The following TMEM177 variants were observed in gnomAD, a reference collection of about 807,000 sequenced individuals.
TMEM177 encodes transmembrane protein 177.
Under a neutral mutation model 14.2 loss-of-function variants are expected in TMEM177, and 4 were observed. The observed-to-expected ratio is 0.28, with a 90% CI of 0.14 to 0.64. The LOEUF (loss-of-function observed/expected upper bound fraction) is 0.64, where lower values mean the gene tolerates loss of function less well. TMEM177 is among the 30% of genes least tolerant of loss of function. The pLI, the probability that TMEM177 is intolerant of heterozygous loss-of-function variation, is 0.82. For synonymous variants in TMEM177, 179 were observed against 174.5 expected (o/e 1.03, Z -0.20); for missense variants, 344 against 405.2 (o/e 0.85, Z 1.30).
At chr2:119,718,340 C>T in the TMEM177 span, among the ~76,000 whole-genome samples, 2 of 152,330 alleles carry the variant, frequency 1.3e-5, no homozygotes, top group African/African-American at 2.4e-5. Flanking sequence ...CCTCCGTGAA[C>T]ATCCCATCCT....
chr2:119,713,553 C>T, the TMEM177 span, among the ~76,000 whole-genome samples: 1 of 152,048 alleles, frequency 6.6e-6, no homozygotes, highest in Non-Finnish European at 1.5e-5. Context: ...AACTGTGCAC[C>T]ATCTGGCCTG....
the TMEM177 span, among the ~76,000 whole-genome samples, chr2:119,719,030 GT>G: frequency 6.6e-6 from 1 of 152,308 alleles, no homozygotes; most frequent in East Asian, 1.9e-4. Context: ...CCTGGGTGAT[GT>G]TAATGCTGCT....
chr2:119,709,929 T>C, the TMEM177 span, among the ~76,000 whole-genome samples: 28,727 of 152,100 alleles, frequency 0.19, 3,235 homozygotes, highest in South Asian at 0.32. Flanking sequence ...GATGTCAAAA[T>C]GTACGCACTT....
chr2:119,714,906 G>T, the TMEM177 span, among the ~76,000 whole-genome samples: 5 of 152,226 alleles, frequency 3.3e-5, no homozygotes, highest in Non-Finnish European at 5.9e-5. Flanking sequence ...AAGAGGGTTT[G>T]AACCCAGACA....
the TMEM177 span, among the ~76,000 whole-genome samples, chr2:119,711,725 G>A: frequency 0.037 from 5,616 of 152,198 alleles, 348 homozygotes; most frequent in African/African-American, 0.13. Flanking sequence ...AAGGAAGCTC[G>A]ACAAGGCGCT....
the TMEM177 span, among the ~76,000 whole-genome samples, chr2:119,697,648 A>G: frequency 6.6e-6 from 1 of 152,072 alleles, no homozygotes; most frequent in African/African-American, 2.4e-5. Context: ...CTTCCCAGAA[A>G]ACTACTCGAT....
downstream of TMEM177, among the ~76,000 whole-genome samples, chr2:119,690,341 G>A (rs1323687208): frequency 6.6e-6 from 1 of 152,108 alleles, no homozygotes; most frequent in African/African-American, 2.4e-5. Flanking sequence ...GGCCTCCCCA[G>A]AAGCCGTCAT....
the TMEM177 span, among the ~76,000 whole-genome samples, chr2:119,708,644 G>GACACACAC: frequency 0.036 from 5,221 of 146,774 alleles, 294 homozygotes; most frequent in African/African-American, 0.12. Context: ...ATCACACGCA[G>GACACACAC]ACACACACAC....
chr2:119,691,628 C>G, the TMEM177 span, among the ~76,000 whole-genome samples: 1 of 152,192 alleles, frequency 6.6e-6, no homozygotes, highest in African/African-American at 2.4e-5. Context: ...CAGTACTGGA[C>G]CATGTCGCTG....
the TMEM177 span, among the ~76,000 whole-genome samples, chr2:119,716,832 A>G: frequency 6.6e-6 from 1 of 152,230 alleles, no homozygotes; most frequent in Non-Finnish European, 1.5e-5. Context: ...TATGATTCCT[A>G]TCACTTTCTC....
chr2:119,687,175 G>A (rs1029264819), downstream of TMEM177, among the ~76,000 whole-genome samples: 8 of 152,094 alleles, frequency 5.3e-5, no homozygotes, highest in African/African-American at 1.2e-4. Context: ...CTTGAAGCAC[G>A]TTGCCATGTT....
intron 1 of TMEM177, among the ~76,000 whole-genome samples, chr2:119,679,982 G>C (rs1219078716): frequency 3.9e-5 from 6 of 152,100 alleles, no homozygotes; most frequent in Non-Finnish European, 7.4e-5. Flanking sequence ...TCAAGACCAG[G>C]GTGTTAACAG....
Position 119,679,242 on chromosome 2 carries a change from G to C in TMEM177, c.-57G>C, listed in dbSNP as rs1688832223. On this transcript the variant is annotated 5_prime_UTR_variant, in exon 1 of 2. Transcript: ENST00000272521. Reference sequence around the variant, plus strand: ...GCGGCGGAGGTGAGCGCACGGACGAGCGGGAGGGACCCTTCTCCGGCCTGA... The same window carrying C: ...GCGGCGGAGGTGAGCGCACGGACGACCGGGAGGGACCCTTCTCCGGCCTGA... The C allele has an allele frequency of 6.6e-6, 1 of 152,266 alleles. No homozygotes were observed. Among genetic ancestry groups the C allele is most frequent in the East Asian group, 1.9e-4 (1 of 5,178 alleles). 9.4% of individuals were successfully genotyped at this position (152,266 alleles called of 1,614,324 possible). A position where few individuals can be genotyped will look rare whatever the true frequency, so the allele number is the denominator to read the frequency against.
chr2:119,687,193 C>T (rs1689029030), downstream of TMEM177, among the ~76,000 whole-genome samples: 2 of 152,136 alleles, frequency 1.3e-5, no homozygotes, highest in African/African-American at 4.8e-5. Context: ...GTTGGAGAGA[C>T]CCACATGGCG....
At chr2:119,717,337 A>G in the TMEM177 span, among the ~76,000 whole-genome samples, 2 of 151,958 alleles carry the variant, frequency 1.3e-5, no homozygotes, top group Admixed American at 6.6e-5. Context: ...CTGGAAAAAA[A>G]AAAAAGAAAA....
the TMEM177 span, among the ~76,000 whole-genome samples, chr2:119,709,678 A>C: frequency 6.6e-6 from 1 of 152,132 alleles, no homozygotes; most frequent in African/African-American, 2.4e-5. Context: ...CAAAAAAATT[A>C]GCCGGGTGTA....
rs4849797 is a variant in TMEM177 at position 119,681,883 on chromosome 2, C to A, written c.*94C>A. ...TTGGAGCCTTTGGACCTATAGCTCA[C>A]GGCCAGAAAAATCACTGGCTTTGGA... On this transcript the variant is annotated 3_prime_UTR_variant, in exon 2 of 2. Coordinates refer to ENST00000272521, the MANE Select transcript of TMEM177 (RefSeq NM_030577.3). 0.83 allele frequency: 1,028,580 copies of A among 1,235,258 alleles called. 429,699 individuals carry two copies. Among genetic ancestry groups the A allele is most frequent in the South Asian group, 0.86 (59,421 of 69,210 alleles). 76.5% of individuals were successfully genotyped at this position (1,235,258 alleles called of 1,614,324 possible).
At position 119,680,888 on chromosome 2, in the gene TMEM177, T is replaced by C; in HGVS notation, c.35T>C (p.Val12Ala). The stretch of plus-strand genomic sequence containing the variant: ...CCCCTGTGGCGGACCGCAGCATTTG[T>C]GCAGAGACACAGGACAGGCCTCTTG... ...AGPLWRTAAF[V>A]QRHRTGLLVG... The change falls in exon 2 of 2, where the codon GTG becomes GCG. Residue 12 changes from valine to alanine, a missense_variant. Val to Ala is a moderately conservative substitution (Grantham distance 64). Transcript: ENST00000272521. 1 of 1,614,164 alleles carries C rather than the reference T, an allele frequency of 6.2e-7. No homozygotes were observed. The highest frequency in any genetic ancestry group is 8.5e-7 in the Non-Finnish European group (1 of 1,179,994).
At chr2:119,687,628 G>A (rs577212592), downstream of TMEM177, among the ~76,000 whole-genome samples, 2 of 152,188 alleles carry the variant, frequency 1.3e-5, no homozygotes, top group South Asian at 2.1e-4. Context: ...GGTCCCTCCC[G>A]TGATACATAG....
Sources: allele counts gnomAD v4.1 joint callset (sites outside exome capture counted in the v4.1 genomes callset), GRCh38; gene constraint gnomAD v4.1.1; transcripts MANE v1.5; gene names NCBI Gene and HGNC (gene_info 2026-07-23, HGNC 2026-07-21).